The following OR2C1 variants were observed in gnomAD, a reference collection of about 807,000 sequenced individuals.
OR2C1 encodes olfactory receptor 2C1.
For missense variants in OR2C1, 468 were observed against 388.3 expected (o/e 1.21, Z -1.73); for synonymous variants, 209 against 167.3 (o/e 1.25, Z -1.92).
At chr16:3,344,170 G>A in the OR2C1 span, among the ~76,000 whole-genome samples, 1 of 149,726 alleles carries the variant, frequency 6.7e-6, no homozygotes, top group Non-Finnish European at 1.5e-5. Flanking sequence ...TCAGTGAGCC[G>A]AGATCGCACC....
At chr16:3,330,891 A>G in the OR2C1 span, among the ~76,000 whole-genome samples, 1 of 151,910 alleles carries the variant, frequency 6.6e-6, no homozygotes, top group South Asian at 2.1e-4. Context: ...ACAGGTGTGC[A>G]CCACTAGGCC....
the OR2C1 span, among the ~76,000 whole-genome samples, chr16:3,330,922 ATT>A: frequency 4.0e-5 from 6 of 150,960 alleles, no homozygotes; most frequent in African/African-American, 1.5e-4. Context: ...GTAATTAAAA[ATT>A]TTTTTTTTCT....
the OR2C1 span, among the ~76,000 whole-genome samples, chr16:3,340,044 CA>C: frequency 6.6e-6 from 1 of 152,008 alleles, no homozygotes; most frequent in East Asian, 1.9e-4. Flanking sequence ...TTTGGGAGGC[CA>C]AAGCGGGCAG....
the OR2C1 span, among the ~76,000 whole-genome samples, chr16:3,324,356 A>AT: frequency 6.6e-6 from 1 of 151,978 alleles, no homozygotes; most frequent in Non-Finnish European, 1.5e-5. Context: ...CACCTGGCTA[A>AT]TTTTTTGTGT....
chr16:3,329,169 G>GACACACACACACACACACACAC, the OR2C1 span, among the ~76,000 whole-genome samples: 86 of 115,146 alleles, frequency 7.5e-4, 4 homozygotes, highest in East Asian at 3.0e-3. Context: ...TGGGAGGGAA[G>GACACACACACACACACACACAC]ACACACACAC....
At chr16:3,337,552 G>A in the OR2C1 span, among the ~76,000 whole-genome samples, 1 of 151,628 alleles carries the variant, frequency 6.6e-6, no homozygotes, top group Non-Finnish European at 1.5e-5. Context: ...ATTTTAATTC[G>A]GCAAGTGTTA....
upstream of OR2C1, among the ~76,000 whole-genome samples, chr16:3,355,012 T>C (rs2030637562): frequency 6.6e-6 from 1 of 152,086 alleles, no homozygotes; most frequent in Non-Finnish European, 1.5e-5. Flanking sequence ...TCATAGCCAT[T>C]GTTCTGAACT....
Position 3,355,933 on chromosome 16 carries a change from A to C in OR2C1, c.-8A>C. 6.3e-7 allele frequency: 1 copy of C among 1,582,928 alleles called. No individual in the cohort carries two copies. Among genetic ancestry groups the C allele is most frequent in the Non-Finnish European group, 8.6e-7 (1 of 1,162,468 alleles). The stretch of plus-strand genomic sequence containing the variant: ...ATGAATTCATCAAGTGACTGAAGAC[A>C]ACCAGTGATGGACGGGGTGAATGAT... On this transcript the variant is annotated 5_prime_UTR_variant, in exon 1 of 1. Coordinates refer to ENST00000304936, the MANE Select transcript of OR2C1 (RefSeq NM_012368.3).
the OR2C1 span, among the ~76,000 whole-genome samples, chr16:3,340,824 T>C: frequency 6.6e-6 from 1 of 152,202 alleles, no homozygotes; most frequent in Non-Finnish European, 1.5e-5. Flanking sequence ...TATCTGTTCT[T>C]ATGTCAGTAC....
chr16:3,325,463 ATATATATATATATATAT>A, the OR2C1 span, among the ~76,000 whole-genome samples: 30,628 of 79,268 alleles, frequency 0.39, 3,851 homozygotes, highest in Non-Finnish European at 0.52. Context: ...GTCTAAAAAT[ATATATATATATATATAT>A]ATATATATAT....
the OR2C1 span, among the ~76,000 whole-genome samples, chr16:3,348,691 AC>A: frequency 6.6e-6 from 1 of 152,056 alleles, no homozygotes; most frequent in Non-Finnish European, 1.5e-5. Flanking sequence ...CATACTCTCC[AC>A]CCTTAGAGTG....
upstream of OR2C1, among the ~76,000 whole-genome samples, chr16:3,351,306 C>T (rs1340816591): frequency 3.4e-5 from 5 of 147,242 alleles, no homozygotes; most frequent in South Asian, 2.1e-4. Flanking sequence ...CGGCTTACCA[C>T]GGCCTCTGCC....
In OR2C1 at chr16:3,355,903, G is replaced by A. The variant is rs778658268; in HGVS notation, c.-38G>A. The A allele has an allele frequency of 4.7e-5, 69 of 1,469,668 alleles. No homozygotes were observed. Among genetic ancestry groups the A allele is most frequent in the South Asian group, 8.9e-5 (7 of 78,294 alleles). The allele number at this position is 1,469,668 out of a possible 1,614,324, so 91.0% of individuals were successfully genotyped here. A position where few individuals can be genotyped will look rare whatever the true frequency, so the allele number is the denominator to read the frequency against. On this transcript the variant is annotated 5_prime_UTR_variant, in exon 1 of 1. Coordinates refer to ENST00000304936, the MANE Select transcript of OR2C1 (RefSeq NM_012368.3). ...CTTGACTTTTCTTCCAGCAGCTTGCGCTAAATGAATTCATCAAGTGACTGA... is the reference window on the plus strand; with the variant it reads ...CTTGACTTTTCTTCCAGCAGCTTGCACTAAATGAATTCATCAAGTGACTGA...
the OR2C1 span, among the ~76,000 whole-genome samples, chr16:3,342,464 T>G: frequency 2.6e-5 from 4 of 152,138 alleles, no homozygotes; most frequent in Non-Finnish European, 5.9e-5. Flanking sequence ...ACACTTGTAA[T>G]CCCAGCACTT....
upstream of OR2C1, among the ~76,000 whole-genome samples, chr16:3,354,917 A>G (rs532707064): frequency 1.5e-4 from 23 of 152,046 alleles, no homozygotes; most frequent in African/African-American, 5.5e-4. Context: ...GGTGTGAGCC[A>G]CCATGCCTGA....
chr16:3,324,525 A>G, the OR2C1 span, among the ~76,000 whole-genome samples: 1 of 152,242 alleles, frequency 6.6e-6, no homozygotes, highest in Non-Finnish European at 1.5e-5. Context: ...GACCAAATCA[A>G]AGTACTCACT....
At chr16:3,335,403 G>A in the OR2C1 span, among the ~76,000 whole-genome samples, 1 of 151,480 alleles carries the variant, frequency 6.6e-6, no homozygotes, top group Non-Finnish European at 1.5e-5. Context: ...TTACTTGTTT[G>A]GTTAAATTGA....
the OR2C1 span, among the ~76,000 whole-genome samples, chr16:3,344,006 G>T: frequency 1.3e-5 from 2 of 152,046 alleles, no homozygotes; most frequent in Non-Finnish European, 2.9e-5. Context: ...ATCACTTGAG[G>T]TCAGGAGTTT....
At chr16:3,347,768 A>G in the OR2C1 span, among the ~76,000 whole-genome samples, 1 of 152,022 alleles carries the variant, frequency 6.6e-6, no homozygotes. Flanking sequence ...ACACATATGA[A>G]CACACATGCA....
Sources: gnomAD v4.1 joint callset for allele counts (sites outside exome capture counted in the v4.1 genomes callset) on GRCh38, gnomAD v4.1.1 for gene constraint, MANE v1.5 for transcripts, NCBI Gene and HGNC (gene_info 2026-07-23, HGNC 2026-07-21) for gene names.